RAB11FIP4: variants seen among roughly 807,000 people sequenced by gnomAD.
RAB11FIP4 encodes the protein RAB11 family interacting protein 4.
RAB11FIP4 carries 23 observed loss-of-function variants against 74.3 expected under a neutral mutation model. The ratio of observed to expected loss-of-function variants is 0.31; its 90% confidence interval spans 0.22 to 0.44. RAB11FIP4 has a LOEUF of 0.44. Ranked by LOEUF, RAB11FIP4 falls within the 20% of genes least tolerant of loss-of-function variation. The probability of loss-of-function intolerance (pLI) is 1.00; values close to 1 mark genes in which losing one functional copy is unlikely to be tolerated. For synonymous variants in RAB11FIP4, 360 were observed against 359.9 expected, an observed-to-expected ratio of 1.00 and a Z score of 0.00; for missense variants, 630 against 863.9, an observed-to-expected ratio of 0.73 and a Z score of 3.39.
At chr17:31,461,506 A>G (rs2071633764) in intron 3 of RAB11FIP4, among the ~76,000 whole-genome samples, 1 of 152,216 alleles carries the variant, frequency 6.6e-6, no homozygotes, top group Admixed American at 6.5e-5. Flanking sequence ...AGATGAGAGT[A>G]TGCAGCATTT....
chr17:31,495,759 T>C (rs2072104716), intron 3 of RAB11FIP4, among the ~76,000 whole-genome samples: 4 of 152,202 alleles, frequency 2.6e-5, no homozygotes, highest in Admixed American at 6.5e-5. Flanking sequence ...TTTTGTATGA[T>C]TATCTGCACG....
At chr17:31,511,308 A>G (rs2072448096) in intron 3 of RAB11FIP4, among the ~76,000 whole-genome samples, 1 of 152,152 alleles carries the variant, frequency 6.6e-6, no homozygotes, top group African/African-American at 2.4e-5. Context: ...GACACAAGGC[A>G]TTGTCCTAGT....
chr17:31,528,579 C>T (rs2072810857), intron 12 of RAB11FIP4, 36 bp downstream of exon 12: 2 of 1,613,324 alleles, frequency 1.2e-6, no homozygotes, highest in African/African-American at 1.3e-5. Context: ...GGGCTCCTTC[C>T]AGCATCCCTG....
rs566696077 is a variant in RAB11FIP4 at position 31,450,861 on chromosome 17, G to A, written c.336+16739G>A. Among the ~76,000 whole-genome samples the A allele has an allele frequency of 1.1e-4, 16 of 148,742 alleles. No individual in the cohort carries two copies. In the East Asian group the frequency reaches 2.1e-3, roughly 20 times the overall value. On this transcript the variant is annotated intron_variant, in intron 3 of 14. Transcript: ENST00000621161. ...ACACCCTTTGATCTGATCCAGCTCC[G>A]TCCCCTCAGCCCCAAGAATGTTTCC...
chr17:31,453,355 C>CAAAAAAAAAAAA lies in RAB11FIP4; in HGVS notation c.336+19247_336+19258dup, dbSNP rs747844559. Among the ~76,000 whole-genome samples the CAAAAAAAAAAAA allele has an allele frequency of 8.4e-4, 60 of 71,796 alleles. 2 individuals carry two copies. The highest frequency in any genetic ancestry group is 3.2e-3 in the African/African-American group (55 of 16,950). The allele number at this position is 71,796 out of a possible 152,430, so 47.1% of individuals were successfully genotyped here. Reference sequence around the variant, plus strand: ...TGTACCATAGAGAGAGACCCTACCTCAAAAAAAAAAAAAAAAAAAAAAAAA... The same window carrying CAAAAAAAAAAAA: ...TGTACCATAGAGAGAGACCCTACCTCAAAAAAAAAAAAAAAAAAAAAAAAAAAAAAAAAAAAA... On this transcript the variant is annotated intron_variant, in intron 3 of 14. Coordinates refer to ENST00000621161, the MANE Select transcript of RAB11FIP4 (RefSeq NM_032932.6).
intron 3 of RAB11FIP4, among the ~76,000 whole-genome samples, chr17:31,483,443 TGTCTGGGAAATG>T (rs1222326245): frequency 6.6e-6 from 1 of 152,184 alleles, no homozygotes; most frequent in African/African-American, 2.4e-5. Context: ...CTCATTCCCC[TGTCTGGGAAATG>T]GTTATACTAT....
chr17:31,450,415 G>C (rs2071515056), intron 3 of RAB11FIP4, among the ~76,000 whole-genome samples: 1 of 151,520 alleles, frequency 6.6e-6, no homozygotes, highest in South Asian at 2.1e-4. Flanking sequence ...CGTGATCTCA[G>C]CTCACTGCAA....
At chr17:31,495,456 C>G (rs1351338137) in intron 3 of RAB11FIP4, among the ~76,000 whole-genome samples, 1 of 150,684 alleles carries the variant, frequency 6.6e-6, no homozygotes, top group Non-Finnish European at 1.5e-5. Context: ...CTCACTGTAG[C>G]CTCGACCTCC....
intron 1 of RAB11FIP4, among the ~76,000 whole-genome samples, chr17:31,413,563 C>G (rs1330046034): frequency 6.6e-6 from 1 of 151,654 alleles, no homozygotes; most frequent in Non-Finnish European, 1.5e-5. Flanking sequence ...CTTGGCTACC[C>G]TCTCCCTCCT....
chr17:31,393,890 C>T (rs1393886510), intron 1 of RAB11FIP4, among the ~76,000 whole-genome samples: 3 of 152,156 alleles, frequency 2.0e-5, no homozygotes, highest in Admixed American at 6.5e-5. Flanking sequence ...ACAAGCAGAC[C>T]GCCCCCCGCC....
chr17:31,411,698 A>G (rs926956027), intron 1 of RAB11FIP4, among the ~76,000 whole-genome samples: 4 of 152,234 alleles, frequency 2.6e-5, no homozygotes, highest in Non-Finnish European at 5.9e-5. Flanking sequence ...TTGCTGGAAA[A>G]GAACTTTGCC....
chr17:31,509,845 G>GTT (rs2072420400), intron 3 of RAB11FIP4, among the ~76,000 whole-genome samples: 1 of 152,136 alleles, frequency 6.6e-6, no homozygotes, highest in Non-Finnish European at 1.5e-5. Flanking sequence ...GTTGCTTGTT[G>GTT]TTCAGAAGGC....
At chr17:31,522,317 C>T (rs541371122) in intron 6 of RAB11FIP4, 43 bp from the exon 7 acceptor site, 2 of 1,601,020 alleles carry the variant, frequency 1.2e-6, no homozygotes, top group African/African-American at 2.7e-5. Flanking sequence ...AGGGAGTGGA[C>T]TAGAACCCCT....
intron 10 of RAB11FIP4, chr17:31,526,472 C>G (rs546859698): frequency 6.6e-6 from 1 of 152,382 alleles, no homozygotes; most frequent in African/African-American, 2.4e-5. Context: ...GGCTGAATTC[C>G]TCTCTGGAGC....
At chr17:31,507,724 T>A (rs2072377703) in intron 3 of RAB11FIP4, among the ~76,000 whole-genome samples, 1 of 152,114 alleles carries the variant, frequency 6.6e-6, no homozygotes, top group Admixed American at 6.5e-5. Context: ...AACTCCTAGG[T>A]TCAAGCAGTC....
At chr17:31,394,709 C>T (rs983554525) in intron 1 of RAB11FIP4, among the ~76,000 whole-genome samples, 57 of 152,096 alleles carry the variant, frequency 3.7e-4, no homozygotes, top group African/African-American at 1.4e-3. Context: ...CTGCTGCCTG[C>T]GGGCTGGAGA....
At chr17:31,398,062 T>A (rs1249581758) in intron 1 of RAB11FIP4, among the ~76,000 whole-genome samples, 1 of 152,036 alleles carries the variant, frequency 6.6e-6, no homozygotes, top group Non-Finnish European at 1.5e-5. Flanking sequence ...GACACTTTTT[T>A]TTTTTGAGAC....
Position 31,525,113 on chromosome 17 carries a change from T to C in RAB11FIP4, c.1157T>C (p.Val386Ala). Residue 386 changes from valine (V) to alanine (A), a missense_variant, in exon 10 of 15, where the codon GTG becomes GCG. Coordinates refer to ENST00000621161, the MANE Select transcript of RAB11FIP4 (RefSeq NM_032932.6). ...AGGGTGCATGAGCTGGAGGAGATGG[T>C]GAAGGATCAGGAGACCACGGCCGAG... is the stretch of plus-strand genomic sequence containing the variant. ...VHRVHELEEM[V>A]KDQETTAEQA... 1 of 1,550,362 alleles carries C rather than the reference T, an allele frequency of 6.5e-7. No homozygotes were observed. Among genetic ancestry groups the C allele is most frequent in the Non-Finnish European group, 8.7e-7 (1 of 1,147,076 alleles).
rs147883178 is a variant in RAB11FIP4, at chr17:31,479,005, A to C, written c.337-38646A>C. Among the ~76,000 whole-genome samples the C allele has an allele frequency of 3.8e-3, 582 of 152,324 alleles. 6 individuals are homozygous for C. Among genetic ancestry groups the C allele is most frequent in the Non-Finnish European group, 5.6e-3 (379 of 68,032 alleles). On this transcript the variant is annotated intron_variant, in intron 3 of 14. Transcript: ENST00000621161. ...AAGTAAGCCAGTGATGCAACAAGAG[A>C]GGCAGAAGGGAGTCCTGAACGTGGG...
Sources: allele counts gnomAD v4.1 joint callset (sites outside exome capture counted in the v4.1 genomes callset), GRCh38; gene constraint gnomAD v4.1.1; transcripts MANE v1.5; gene names NCBI Gene and HGNC (gene_info 2026-07-23, HGNC 2026-07-21).